The following SRP72 variants were observed in gnomAD, a reference collection of about 807,000 sequenced individuals.
SRP72 encodes signal recognition particle 72.
In SRP72, 49 loss-of-function variants were observed where a neutral mutation model predicts 96.3. The observed-to-expected ratio is 0.51, with a 90% CI of 0.40 to 0.65. The LOEUF (loss-of-function observed/expected upper bound fraction) is 0.65, where lower values mean the gene tolerates loss of function less well. Ranked by LOEUF, SRP72 falls within the 30% of genes least tolerant of loss-of-function variation. The pLI is 0.00. For missense variants in SRP72, 736 were observed against 793.3 expected, an observed-to-expected ratio of 0.93 and a Z score of 0.87; for synonymous variants, 267 against 275.2, an observed-to-expected ratio of 0.97 and a Z score of 0.30.
At chr4:56,469,976 T>G (rs1241384576) in intron 2 of SRP72, among the ~76,000 whole-genome samples, 2 of 150,846 alleles carry the variant, frequency 1.3e-5, no homozygotes, top group Non-Finnish European at 1.5e-5. Flanking sequence ...TAGAGAGTTT[T>G]TTTTTTTTTT....
intron 1 of SRP72, among the ~76,000 whole-genome samples, chr4:56,469,360 C>T (rs1719872311): frequency 6.6e-6 from 1 of 152,140 alleles, no homozygotes; most frequent in Non-Finnish European, 1.5e-5. Context: ...GAAATTGCTT[C>T]TTTCTTCTTT....
At position 56,502,844 on chromosome 4, in the gene SRP72, T is replaced by C. The variant is rs182048586; in HGVS notation, c.*983T>C. 1.3e-5 allele frequency: 2 copies of C among 152,300 alleles called. No individual in the cohort carries two copies. Among genetic ancestry groups the C allele is most frequent in the East Asian group, 1.9e-4 (1 of 5,182 alleles). The allele number at this position is 152,300 out of a possible 1,614,324, so 9.4% of individuals were successfully genotyped here. On this transcript the variant is annotated 3_prime_UTR_variant, in exon 19 of 19. Transcript: ENST00000642900. ...TCCTTCTGGTTATGGATTTTGACCA[T>C]TGATTACCTTTCTCAATGTAATGAA... is the stretch of plus-strand genomic sequence containing the variant.
At chr4:56,485,400 C>CAAAAAAAAAAAAAAAAAAA (rs59208269) in intron 10 of SRP72, among the ~76,000 whole-genome samples, 1 of 92,408 alleles carries the variant, frequency 1.1e-5, no homozygotes, top group African/African-American at 3.8e-5. Context: ...CTCCCCACAG[C>CAAAAAAAAAAAAAAAAAAA]AAAAAAAAAA....
Position 56,490,390 on chromosome 4 carries a change from T to C in SRP72, c.1378T>C (p.Tyr460His). Residue 460 changes from tyrosine (Y) to histidine (H), a missense_variant, in exon 14 of 19, where the codon TAT becomes CAT. Transcript: ENST00000642900. Reference protein sequence around the residue: ...IREAANFKLKYGRKKEAISDL... With the variant: ...IREAANFKLKHGRKKEAISDL... ...AGAAGCTGCAAACTTCAAACTCAAATATGGGCGGAAGAAGGAGGCAATTAG... is the reference window on the plus strand; with the variant it reads ...AGAAGCTGCAAACTTCAAACTCAAACATGGGCGGAAGAAGGAGGCAATTAG... The C allele has an allele frequency of 1.2e-6, 2 of 1,614,020 alleles. No homozygotes were observed. The highest frequency in any genetic ancestry group is 1.7e-6 in the Non-Finnish European group (2 of 1,179,952).
At chr4:56,477,721 T>C (rs1253294107) in intron 6 of SRP72, among the ~76,000 whole-genome samples, 1 of 152,172 alleles carries the variant, frequency 6.6e-6, no homozygotes, top group East Asian at 1.9e-4. Context: ...GCAGGAGTGT[T>C]GGGTCATTAA....
In SRP72 at chr4:56,467,745, G is replaced by C; in HGVS notation, c.109+1G>C. 9.2e-7 allele frequency: 1 copy of C among 1,086,996 alleles called. No individual in the cohort carries two copies. Among genetic ancestry groups the C allele is most frequent in the Non-Finnish European group, 1.3e-6 (1 of 772,388 alleles). 67.3% of individuals were successfully genotyped at this position (1,086,996 alleles called of 1,614,324 possible). A position where few individuals can be genotyped will look rare whatever the true frequency, so the allele number is the denominator to read the frequency against. On this transcript the variant is annotated splice_donor_variant, in intron 1 of 18. Transcript: ENST00000642900. LOFTEE classifies it high-confidence loss of function. ...CGCGCTCTCAAGACCGTCAATAAGAGTAAGTGTCGGGGTGGGCACTGGGGC... is the reference window on the plus strand; with the variant it reads ...CGCGCTCTCAAGACCGTCAATAAGACTAAGTGTCGGGGTGGGCACTGGGGC...
intron 11 of SRP72, 117 bp downstream of exon 11, chr4:56,486,514 A>G: frequency 1.4e-6 from 1 of 727,286 alleles, no homozygotes; most frequent in Non-Finnish European, 2.1e-6. Context: ...CATAATAATT[A>G]CTGTTTCAAA....
At chr4:56,501,002 GTCAT>G (rs1364050078) in intron 18 of SRP72, among the ~76,000 whole-genome samples, 1 of 152,020 alleles carries the variant, frequency 6.6e-6, no homozygotes, top group Admixed American at 6.6e-5. Flanking sequence ...AATACACTGA[GTCAT>G]TCAACTAAAT....
In SRP72 at chr4:56,467,659, G is replaced by A. The variant is rs552135994; in HGVS notation, c.24G>A (p.Gly8=). 7.1e-6 allele frequency: 11 copies of A among 1,559,818 alleles called. 1 individual carries two copies. In the South Asian group the frequency reaches 1.1e-4, roughly 15 times the overall value. ...AGATGGCGAGCGGCGGCAGCGGGGG[G>A]GTGTCAGTACCTGCGCTGTGGAGTG... MASGGSG[G]VSVPALWSEV... is the part of the protein sequence containing the mutation. Residue 8 remains glycine, a synonymous_variant, in exon 1 of 19, where the codon GGG becomes GGA. Transcript: ENST00000642900.
chr4:56,485,539 G>A (rs972069647), intron 10 of SRP72, among the ~76,000 whole-genome samples: 1 of 152,036 alleles, frequency 6.6e-6, no homozygotes, highest in Non-Finnish European at 1.5e-5. Flanking sequence ...AGTGGCTGAC[G>A]TCTGTAATCC....
intron 3 of SRP72, among the ~76,000 whole-genome samples, chr4:56,472,845 G>T (rs570592628): frequency 1.3e-5 from 2 of 152,190 alleles, no homozygotes; most frequent in South Asian, 4.2e-4. Flanking sequence ...TGAGGTTAAG[G>T]ACATCAGCCT....
Position 56,488,005 on chromosome 4 carries a change from C to A in SRP72, c.1216C>A (p.Pro406Thr). The A allele has an allele frequency of 6.3e-7, 1 of 1,596,838 alleles. No homozygotes were observed. The highest frequency in any genetic ancestry group is 8.5e-7 in the Non-Finnish European group (1 of 1,175,246). Residue 406 changes from proline (P) to threonine (T), a missense_variant, in exon 12 of 19, where the codon CCA (proline) becomes ACA (threonine). By Grantham distance (38) the Pro-to-Thr change is conservative. This residue lies in a region of SRP72 where 388 missense variants were observed against 431.8 expected (regional missense o/e 0.90). Coordinates refer to ENST00000642900, the MANE Select transcript of SRP72 (RefSeq NM_006947.4). Reference sequence around the variant, plus strand: ...AAGCATAGAGGAGTTAAAGCATAAACCAGGCATGGTGAGTTTTAAAAATTA... The same window carrying A: ...AAGCATAGAGGAGTTAAAGCATAAAACAGGCATGGTGAGTTTTAAAAATTA... ...LRSIEELKHK[P>T]GMVSALVTMY...
At chr4:56,470,800 A>G (rs1719942802) in intron 2 of SRP72, among the ~76,000 whole-genome samples, 1 of 151,276 alleles carries the variant, frequency 6.6e-6, no homozygotes, top group African/African-American at 2.4e-5. Flanking sequence ...ATTTTCAAAA[A>G]CATTTTGTCA....
intron 17 of SRP72, among the ~76,000 whole-genome samples, chr4:56,496,755 A>G (rs902217642): frequency 6.6e-6 from 1 of 152,176 alleles, no homozygotes; most frequent in Non-Finnish European, 1.5e-5. Context: ...TGGGAGGCCA[A>G]GGTGGGTGGA....
intron 8 of SRP72, among the ~76,000 whole-genome samples, chr4:56,479,945 G>A (rs1720414589): frequency 6.6e-6 from 1 of 152,114 alleles, no homozygotes; most frequent in Admixed American, 6.6e-5. Context: ...ATCTCTGTAG[G>A]AGTATAATCT....
intron 5 of SRP72, among the ~76,000 whole-genome samples, chr4:56,475,172 TA>T (rs368736801): frequency 6.7e-6 from 1 of 148,574 alleles, no homozygotes; most frequent in African/African-American, 2.5e-5. Context: ...TATTAGGGGT[TA>T]AAATGAGATC....
At chr4:56,477,477 G>A (rs1244326835) in intron 6 of SRP72, among the ~76,000 whole-genome samples, 2 of 151,290 alleles carry the variant, frequency 1.3e-5, no homozygotes, top group Non-Finnish European at 2.9e-5. Flanking sequence ...TTGTAGAGAT[G>A]GGGGTCTCGC....
Position 56,485,027 on chromosome 4 carries a change from C to T in SRP72, c.1086+163C>T, listed in dbSNP as rs376547862. ...TTTAGTTAACTCTTGGGTTACAGAG[C>T]TTTATATAAATTTCTTTGTGTTATA... On this transcript the variant is annotated intron_variant, in intron 10 of 18. Transcript: ENST00000642900. 1.5e-3 allele frequency among the ~76,000 whole-genome samples: 231 copies of T among 152,220 alleles called. 10 individuals are homozygous for T. The South Asian group carries it at 0.039, about 25-fold the overall frequency.
chr4:56,478,672 A>C, intron 8 of SRP72, 23 bp downstream of exon 8: 1 of 1,605,474 alleles, frequency 6.2e-7, no homozygotes. Flanking sequence ...TGTGCTTTCC[A>C]TAGATATATT....
Sources: allele counts gnomAD v4.1 joint callset (sites outside exome capture counted in the v4.1 genomes callset), GRCh38; gene constraint gnomAD v4.1.1; regional missense constraint gnomAD v4.1.1; transcripts MANE v1.5; gene names NCBI Gene and HGNC (gene_info 2026-07-23, HGNC 2026-07-21).